TMEM132C: variants seen among roughly 807,000 people sequenced by gnomAD.
TMEM132C encodes the protein protein phosphatase 1, regulatory subunit 152.
A neutral mutation model predicts 61.4 loss-of-function variants in TMEM132C; 29 were observed. That is an observed-to-expected ratio of 0.47 (90% CI 0.35 to 0.64). The LOEUF is 0.64. TMEM132C is among the 30% of genes least tolerant of loss of function. The probability of loss-of-function intolerance (pLI) is 0.00; values close to 1 mark genes in which losing one functional copy is unlikely to be tolerated. For missense variants in TMEM132C, 1,408 were observed against 1,476.9 expected (o/e 0.95, Z 0.76); for synonymous variants, 656 against 633.1 (o/e 1.04, Z -0.54).
At chr12:128,631,309 C>G (rs2135594154) in intron 4 of TMEM132C, among the ~76,000 whole-genome samples, 1 of 152,216 alleles carries the variant, frequency 6.6e-6, no homozygotes, top group East Asian at 1.9e-4. Context: ...AGTAGCAACA[C>G]ATGACTAGTG....
chr12:128,660,049 G>A (rs963112860), intron 4 of TMEM132C, among the ~76,000 whole-genome samples: 1 of 152,248 alleles, frequency 6.6e-6, no homozygotes, highest in Non-Finnish European at 1.5e-5. Flanking sequence ...GGTGAGAACA[G>A]AGTCTCCCTC....
chr12:128,400,489 G>A (rs1310529997), intron 1 of TMEM132C, among the ~76,000 whole-genome samples: 2 of 151,976 alleles, frequency 1.3e-5, no homozygotes, highest in Non-Finnish European at 2.9e-5. Flanking sequence ...CTTTGGGGCT[G>A]GATAATTCTG....
chr12:128,689,264 A>G (rs1171780054), intron 5 of TMEM132C, among the ~76,000 whole-genome samples: 1 of 152,216 alleles, frequency 6.6e-6, no homozygotes, highest in African/African-American at 2.4e-5. Flanking sequence ...CAGCATATTC[A>G]TCATCTCAAA....
intron 1 of TMEM132C, among the ~76,000 whole-genome samples, chr12:128,377,935 T>A (rs1303798820): frequency 6.6e-6 from 1 of 152,172 alleles, no homozygotes; most frequent in Admixed American, 6.5e-5. Flanking sequence ...TCTGTATCTC[T>A]GCCCTCGTCA....
At position 128,604,113 on chromosome 12, in the gene TMEM132C, A is replaced by G. The variant is rs567268241; in HGVS notation, c.1122-12039A>G. The stretch of plus-strand genomic sequence containing the variant: ...TTCCAGCAAGGAGCTTGTATGAGTC[A>G]GGGTTCCCCAGAGACATAGAACCAA... On this transcript the variant is annotated intron_variant, in intron 3 of 8. Coordinates refer to ENST00000435159, the MANE Select transcript of TMEM132C (RefSeq NM_001136103.3). Among the ~76,000 whole-genome samples the G allele has an allele frequency of 2.6e-4, 39 of 152,354 alleles. 3 individuals are homozygous for G. The South Asian group carries it at 7.5e-3, about 29-fold the overall frequency.
At chr12:128,349,742 A>C (rs1253530676) in intron 1 of TMEM132C, among the ~76,000 whole-genome samples, 1 of 152,028 alleles carries the variant, frequency 6.6e-6, no homozygotes, top group East Asian at 1.9e-4. Context: ...TTTTCACGTA[A>C]TTTCTTTGGT....
intron 1 of TMEM132C, among the ~76,000 whole-genome samples, chr12:128,315,399 G>A (rs1188522800): frequency 6.6e-6 from 1 of 152,096 alleles, no homozygotes; most frequent in Non-Finnish European, 1.5e-5. Context: ...TTTGTCTAGG[G>A]AAAGGGTAAA....
intron 1 of TMEM132C, among the ~76,000 whole-genome samples, chr12:128,286,107 TTC>T (rs142724473): frequency 3.5e-4 from 51 of 145,730 alleles, no homozygotes; most frequent in Non-Finnish European, 4.5e-4. Context: ...CTCTCTCCCT[TTC>T]TCTCTCTCTC....
At chr12:128,286,175 A>G (rs1871065213) in intron 1 of TMEM132C, among the ~76,000 whole-genome samples, 1 of 149,574 alleles carries the variant, frequency 6.7e-6, no homozygotes, top group African/African-American at 2.5e-5. Context: ...TCTCATTTGG[A>G]TTTTCTACAT....
intron 1 of TMEM132C, among the ~76,000 whole-genome samples, chr12:128,293,110 A>G (rs1309861919): frequency 1.3e-5 from 2 of 152,156 alleles, no homozygotes; most frequent in African/African-American, 2.4e-5. Context: ...CTGAACCTGT[A>G]GTGTCTCCTG....
At chr12:128,365,060 A>G (rs1873820634) in intron 1 of TMEM132C, among the ~76,000 whole-genome samples, 1 of 152,126 alleles carries the variant, frequency 6.6e-6, no homozygotes. Context: ...TGATGGAGGG[A>G]CTTGGAGAAC....
intron 8 of TMEM132C, among the ~76,000 whole-genome samples, chr12:128,701,246 TAA>T (rs35380407): frequency 3.5e-5 from 5 of 143,220 alleles, no homozygotes; most frequent in Admixed American, 6.9e-5. Flanking sequence ...AAAAATAAGT[TAA>T]AAAAAAAAAA....
intron 1 of TMEM132C, among the ~76,000 whole-genome samples, chr12:128,392,060 C>T (rs902417539): frequency 1.5e-5 from 1 of 67,310 alleles, no homozygotes; most frequent in African/African-American, 6.9e-5. Flanking sequence ...CTGTCTCTCT[C>T]TCTTTCTCTC....
At position 128,705,856 on chromosome 12, in the gene TMEM132C, C is replaced by T. The variant is rs543574879; in HGVS notation, c.2888C>T (p.Ala963Val). 7.7e-6 allele frequency: 12 copies of T among 1,551,644 alleles called. No homozygotes were observed. In the African/African-American group the frequency reaches 1.5e-4, roughly 19 times the overall value. The change falls in exon 9 of 9, where the codon GCC becomes GTC. Residue 963 changes from alanine (A) to valine (V), a missense_variant. Ala to Val is a moderately conservative substitution (Grantham distance 64, BLOSUM62 0). Coordinates refer to ENST00000435159, the MANE Select transcript of TMEM132C (RefSeq NM_001136103.3). ...RHKQVPLEGQ[A>V]SMTHSHDWVW... ...AAGCAAGTGCCCCTGGAAGGTCAGG[C>T]CTCCATGACCCACTCTCACGACTGG...
chr12:128,671,354 A>G (rs1954529962), intron 5 of TMEM132C, among the ~76,000 whole-genome samples: 1 of 152,206 alleles, frequency 6.6e-6, no homozygotes, highest in Admixed American at 6.5e-5. Flanking sequence ...ATGCTACACC[A>G]CAATGCTTGC....
At chr12:128,573,551 T>C (rs1278729573) in intron 3 of TMEM132C, among the ~76,000 whole-genome samples, 16 of 151,798 alleles carry the variant, frequency 1.1e-4, no homozygotes, top group Admixed American at 9.9e-4. Flanking sequence ...TGTATACATA[T>C]GTAACAAACC....
At chr12:128,444,158 G>C (rs139775190) in intron 2 of TMEM132C, among the ~76,000 whole-genome samples, 2,686 of 152,220 alleles carry the variant, frequency 0.018, 89 homozygotes, top group African/African-American at 0.061. Flanking sequence ...GTGCTCAAGC[G>C]ATCCTCCCGC....
At chr12:128,656,303 G>A (rs887231677) in intron 4 of TMEM132C, among the ~76,000 whole-genome samples, 11 of 152,240 alleles carry the variant, frequency 7.2e-5, no homozygotes, top group African/African-American at 2.4e-4. Context: ...TGTCCACCTC[G>A]GCCTCCCAAA....
chr12:128,493,282 A>T (rs1348528179), intron 2 of TMEM132C, among the ~76,000 whole-genome samples: 5 of 152,284 alleles, frequency 3.3e-5, no homozygotes, highest in East Asian at 1.9e-4. Context: ...GTCAGGTAGC[A>T]TGATGCCTCC....
Sources: gnomAD v4.1 joint callset for allele counts (sites outside exome capture counted in the v4.1 genomes callset) on GRCh38, gnomAD v4.1.1 for gene constraint, MANE v1.5 for transcripts, NCBI Gene and HGNC (gene_info 2026-07-23, HGNC 2026-07-21) for gene names.